The following ATP2B1 variants were observed in gnomAD, a reference collection of about 807,000 sequenced individuals.
ATP2B1 encodes plasma membrane calcium-transporting ATPase 1.
Under a neutral mutation model 124.2 loss-of-function variants are expected in ATP2B1, and 14 were observed. The observed-to-expected ratio is 0.11, with a 90% CI of 0.07 to 0.18. ATP2B1 has a LOEUF of 0.18. Ranked by LOEUF, ATP2B1 falls within the 10% of genes least tolerant of loss-of-function variation. The pLI is 1.00. For missense variants in ATP2B1, 763 were observed against 1,466.1 expected, an observed-to-expected ratio of 0.52 and a Z score of 7.83; for synonymous variants, 449 against 492.4, an observed-to-expected ratio of 0.91 and a Z score of 1.17.
At chr12:89,660,192 T>C (rs955809432) in intron 1 of ATP2B1, among the ~76,000 whole-genome samples, 1 of 152,166 alleles carries the variant, frequency 6.6e-6, no homozygotes, top group African/African-American at 2.4e-5. Flanking sequence ...GTTGGGTTCC[T>C]AATTCCTGAA....
chr12:89,591,689 G>A (rs2135839486), intron 20 of ATP2B1, among the ~76,000 whole-genome samples: 1 of 151,900 alleles, frequency 6.6e-6, no homozygotes, highest in African/African-American at 2.4e-5. Context: ...ACTCAAATAA[G>A]TTAAACAAAA....
upstream of ATP2B1, chr12:89,709,306 CCACCGCCGCCGAAGCTCG>C (rs910532313): frequency 2.0e-5 from 3 of 152,388 alleles, no homozygotes; most frequent in Non-Finnish European, 2.9e-5. Context: ...GCCACAGCCG[CCACCGCCGCCGAAGCTCG>C]CGCCGCCGCC....
intron 2 of ATP2B1, among the ~76,000 whole-genome samples, chr12:89,654,402 C>A (rs567500432): frequency 6.6e-6 from 1 of 152,256 alleles, no homozygotes; most frequent in South Asian, 2.1e-4. Flanking sequence ...TGTAGCATAT[C>A]TAAGGTATAA....
chr12:89,656,367 C>T (rs777449992), intron 1 of ATP2B1, among the ~76,000 whole-genome samples: 2 of 152,148 alleles, frequency 1.3e-5, no homozygotes, highest in African/African-American at 4.8e-5. Context: ...TTTTATGATC[C>T]ACTCAGTATT....
intron 5 of ATP2B1, among the ~76,000 whole-genome samples, chr12:89,631,781 T>G (rs1342387426): frequency 6.6e-6 from 1 of 152,038 alleles, no homozygotes; most frequent in Non-Finnish European, 1.5e-5. Flanking sequence ...ATTACTATTC[T>G]CATTTTCTAG....
At chr12:89,670,464 G>C (rs1382890410) in intron 1 of ATP2B1, among the ~76,000 whole-genome samples, 1 of 151,020 alleles carries the variant, frequency 6.6e-6, no homozygotes, top group East Asian at 1.9e-4. Context: ...GATTCAGTGA[G>C]TACATGTGCA....
chr12:89,689,157 GCTTCT>G (rs1446503179), intron 1 of ATP2B1, among the ~76,000 whole-genome samples: 1 of 151,972 alleles, frequency 6.6e-6, no homozygotes, highest in African/African-American at 2.4e-5. Context: ...CTGTATTTCA[GCTTCT>G]CTTGTCAGGT....
chr12:89,652,786 G>A (rs1280006238), intron 2 of ATP2B1, among the ~76,000 whole-genome samples: 1 of 152,194 alleles, frequency 6.6e-6, no homozygotes, highest in Non-Finnish European at 1.5e-5. Context: ...TACCCAGGCT[G>A]AGGTGCAGTG....
At chr12:89,639,261 T>C (rs1213107869) in intron 3 of ATP2B1, among the ~76,000 whole-genome samples, 1 of 152,126 alleles carries the variant, frequency 6.6e-6, no homozygotes, top group African/African-American at 2.4e-5. Context: ...CTGAGCACTT[T>C]GGGAGGCCGA....
chr12:89,662,970 G>A (rs1230442649), intron 1 of ATP2B1, among the ~76,000 whole-genome samples: 1 of 152,164 alleles, frequency 6.6e-6, no homozygotes, highest in African/African-American at 2.4e-5. Flanking sequence ...TTATCACACA[G>A]CTGCAATGAT....
At chr12:89,614,487 T>G (rs1878606948) in intron 12 of ATP2B1, among the ~76,000 whole-genome samples, 1 of 152,240 alleles carries the variant, frequency 6.6e-6, no homozygotes, top group African/African-American at 2.4e-5. Flanking sequence ...CTCAACAGGC[T>G]GCTGTTTCTG....
intron 8 of ATP2B1, 99 bp from the exon 9 acceptor site, chr12:89,624,496 T>A: frequency 3.2e-6 from 3 of 933,500 alleles, no homozygotes; most frequent in Non-Finnish European, 4.7e-6. Flanking sequence ...TATAACTTGC[T>A]TGATAGTATT....
intron 20 of ATP2B1, chr12:89,598,792 G>T (rs776656075): frequency 6.3e-7 from 1 of 1,594,312 alleles, no homozygotes; most frequent in East Asian, 2.2e-5. Context: ...GAGAGAGAGA[G>T]AACAAGAGAA....
At chr12:89,700,710 C>T (rs1053282973) in intron 1 of ATP2B1, among the ~76,000 whole-genome samples, 5 of 152,204 alleles carry the variant, frequency 3.3e-5, no homozygotes, top group African/African-American at 1.2e-4. Flanking sequence ...ACCAAAACCA[C>T]TCCTGTGCTA....
intron 1 of ATP2B1, among the ~76,000 whole-genome samples, chr12:89,682,577 G>A (rs1256433838): frequency 6.6e-6 from 1 of 152,134 alleles, no homozygotes; most frequent in African/African-American, 2.4e-5. Context: ...ATATGACAAT[G>A]GTAGTAGCTT....
intron 7 of ATP2B1, 98 bp from the exon 8 acceptor site, chr12:89,626,713 C>T: frequency 1.5e-6 from 2 of 1,359,990 alleles, no homozygotes; most frequent in Non-Finnish European, 2.0e-6. Flanking sequence ...TTACAGAAAC[C>T]AGTAAAGGTA....
chr12:89,672,349 G>C (rs1229881187), intron 1 of ATP2B1, among the ~76,000 whole-genome samples: 2 of 151,776 alleles, frequency 1.3e-5, no homozygotes, highest in African/African-American at 2.4e-5. Flanking sequence ...AGCTATACAA[G>C]AGGCTGAGGT....
chr12:89,650,118 T>C (rs1284424500), intron 2 of ATP2B1, among the ~76,000 whole-genome samples: 4 of 152,212 alleles, frequency 2.6e-5, no homozygotes, highest in Admixed American at 6.5e-5. Flanking sequence ...TATTTCTTTA[T>C]AGCAGTGCGC....
Position 89,644,907 on chromosome 12 carries a change from T to C in ATP2B1, c.209-2552A>G, listed in dbSNP as rs907022602. ...AAAAGAACAGCCACAGAGCTAAAGATAGCTTTAAAACGTATCTTGGAGAGT... is the reference window on the plus strand; with the variant it reads ...AAAAGAACAGCCACAGAGCTAAAGACAGCTTTAAAACGTATCTTGGAGAGT... On this transcript the variant is annotated intron_variant, in intron 2 of 20. Transcript: ENST00000428670. Among the ~76,000 whole-genome samples the C allele has an allele frequency of 2.6e-5, 4 of 152,342 alleles. No individual in the cohort carries two copies. In the East Asian group the frequency reaches 5.8e-4, roughly 22 times the overall value.
Sources: allele counts gnomAD v4.1 joint callset (sites outside exome capture counted in the v4.1 genomes callset), GRCh38; gene constraint gnomAD v4.1.1; transcripts MANE v1.5; gene names NCBI Gene and HGNC (gene_info 2026-07-23, HGNC 2026-07-21).